The following LETM1 variants were observed in gnomAD, a reference collection of about 807,000 sequenced individuals.
LETM1 encodes mitochondrial proton/calcium exchanger protein.
Under a neutral mutation model 74.5 loss-of-function variants are expected in LETM1, and 50 were observed. The observed-to-expected ratio is 0.67, with a 90% CI of 0.53 to 0.85. The LOEUF (loss-of-function observed/expected upper bound fraction) is 0.85. Ranked by LOEUF, LETM1 falls within the 40% of genes least tolerant of loss-of-function variation. LETM1 has a pLI of 0.00. For missense variants in LETM1, 824 were observed against 967.8 expected (o/e 0.85, Z 1.97); for synonymous variants, 446 against 407.1 (o/e 1.10, Z -1.15).
chr4:1,841,524 C>T lies in LETM1; in HGVS notation c.417G>A (p.Pro139=), dbSNP rs552119847. 87 of 1,614,228 alleles carry T rather than the reference C, an allele frequency of 5.4e-5. 2 individuals carry two copies. The highest frequency in any genetic ancestry group is 5.3e-4 in the South Asian group (48 of 91,082). Residue 139 remains proline (P), a synonymous_variant, in exon 3 of 14, where the codon CCG becomes CCA. Transcript: ENST00000302787. ...DKNKKLEEGG[P]VYSPPAEVVV... ...CCACCTCTGCGGGGGGGCTGTACAC[C>T]GGGCCGCCTTCCTCCAGCTTCTTGT...
chr4:1,855,989 C>T lies in LETM1; in HGVS notation c.-39G>A. On this transcript the variant is annotated 5_prime_UTR_variant, in exon 1 of 14. Transcript: ENST00000302787. ...GCGGCCGCTCCGGCCTCCTGCGCTG[C>T]CTCCTTCTCCGCGGCGGCCGCGGCT... 1 of 1,156,572 alleles carries T rather than the reference C, an allele frequency of 8.6e-7. No homozygotes were observed. Among genetic ancestry groups the T allele is most frequent in the East Asian group, 3.5e-5 (1 of 28,432 alleles). 71.6% of individuals were successfully genotyped at this position (1,156,572 alleles called of 1,614,324 possible). A position where few individuals can be genotyped will look rare whatever the true frequency, so the allele number is the denominator to read the frequency against.
rs377389351 is a variant in LETM1 at position 1,827,286 on chromosome 4, T to C, written c.1081-1603A>G. On this transcript the variant is annotated intron_variant, in intron 6 of 13. Transcript: ENST00000302787. Reference sequence around the variant, plus strand: ...TGGATTGACAGTTCTTTTTTTTTTTTTTTTTTTTAATTTATTTTTTTATTG... The same window carrying C: ...TGGATTGACAGTTCTTTTTTTTTTTCTTTTTTTTAATTTATTTTTTTATTG... Among the ~76,000 whole-genome samples, 133 of 150,762 alleles carry C rather than the reference T, an allele frequency of 8.8e-4. No homozygotes were observed. In the East Asian group the frequency reaches 0.025, roughly 28 times the overall value.
At chr4:1,838,744 AC>A (rs1712576752) in intron 3 of LETM1, among the ~76,000 whole-genome samples, 1 of 152,150 alleles carries the variant, frequency 6.6e-6, no homozygotes, top group African/African-American at 2.4e-5. Context: ...AGAGCTAGAA[AC>A]CATGAGGTGT....
At chr4:1,840,653 G>GAGA (rs1712657673) in intron 3 of LETM1, among the ~76,000 whole-genome samples, 1 of 151,796 alleles carries the variant, frequency 6.6e-6, no homozygotes, top group Admixed American at 6.6e-5. Flanking sequence ...GGGCGACAGT[G>GAGA]AGACTCCATC....
At chr4:1,822,514 A>G (rs752158147) in intron 9 of LETM1, 9 of 448,270 alleles carry the variant, frequency 2.0e-5, no homozygotes, top group Non-Finnish European at 3.3e-5. Flanking sequence ...AGAACAGGCT[A>G]GAGCACCTTA....
chr4:1,830,105 C>T lies in LETM1; in HGVS notation c.1080+2639G>A, dbSNP rs559268755. On this transcript the variant is annotated intron_variant, in intron 6 of 13. Transcript: ENST00000302787. ...CAGCCCTGCTCTATCCTTTCTCCCC[C>T]GGAACATCAGATAACACAGATGGTT... Among the ~76,000 whole-genome samples, 20 of 152,306 alleles carry T rather than the reference C, an allele frequency of 1.3e-4. No individual in the cohort carries two copies. In the East Asian group the frequency reaches 2.3e-3, roughly 18 times the overall value.
Position 1,814,420 on chromosome 4 carries a change from G to A in LETM1, c.*4C>T, listed in dbSNP as rs1722550735. Reference sequence around the variant, plus strand: ...CAGGAGGACAGGTGCCCAGGCCAGTGGTTCTAGCTCTTCACCTCTGCGACC... The same window carrying A: ...CAGGAGGACAGGTGCCCAGGCCAGTAGTTCTAGCTCTTCACCTCTGCGACC... On this transcript the variant is annotated 3_prime_UTR_variant, in exon 14 of 14. Coordinates refer to ENST00000302787, the MANE Select transcript of LETM1 (RefSeq NM_012318.3). 2 of 1,614,226 alleles carry A rather than the reference G, an allele frequency of 1.2e-6. No homozygotes were observed. The highest frequency in any genetic ancestry group is 1.7e-6 in the Non-Finnish European group (2 of 1,180,024).
chr4:1,815,390 G>T (rs910943532), intron 13 of LETM1, among the ~76,000 whole-genome samples: 2 of 152,222 alleles, frequency 1.3e-5, no homozygotes, highest in African/African-American at 4.8e-5. Context: ...CGGCTCCCCA[G>T]TGCCACCAGC....
chr4:1,815,323 C>T (rs1711529384), intron 13 of LETM1, among the ~76,000 whole-genome samples: 1 of 152,200 alleles, frequency 6.6e-6, no homozygotes, highest in African/African-American at 2.4e-5. Context: ...CCCCAGGCTC[C>T]CTGTGCAGTC....
chr4:1,845,923 T>A (rs1404845303), intron 2 of LETM1, among the ~76,000 whole-genome samples: 1 of 152,054 alleles, frequency 6.6e-6, no homozygotes. Context: ...AGCGGTGTGA[T>A]CCTGGCTCAC....
chr4:1,832,720 G>C (rs56223366), intron 6 of LETM1, 24 bp downstream of exon 6: 55,486 of 1,607,256 alleles, frequency 0.035, 1,152 homozygotes, highest in Middle Eastern at 0.042. Flanking sequence ...CCAGAGCTGT[G>C]GCGCGGAGTA....
intron 3 of LETM1, among the ~76,000 whole-genome samples, chr4:1,838,770 G>A (rs1367285135): frequency 6.6e-6 from 1 of 152,182 alleles, no homozygotes; most frequent in African/African-American, 2.4e-5. Context: ...GGGAGGAAAG[G>A]ATGGAGCAGA....
At chr4:1,849,081 G>T (rs927465495) in intron 2 of LETM1, 68 bp downstream of exon 2, 2 of 1,063,494 alleles carry the variant, frequency 1.9e-6, no homozygotes, top group Non-Finnish European at 2.9e-6. Context: ...AGAGTCACTC[G>T]TGACTCTCCA....
chr4:1,830,827 A>T (rs1486447528), intron 6 of LETM1, among the ~76,000 whole-genome samples: 1 of 151,872 alleles, frequency 6.6e-6, no homozygotes, highest in Non-Finnish European at 1.5e-5. Context: ...TTTCTCATTC[A>T]CTGATACCTT....
At chr4:1,851,180 A>C (rs1713059110) in intron 1 of LETM1, among the ~76,000 whole-genome samples, 1 of 152,194 alleles carries the variant, frequency 6.6e-6, no homozygotes, top group Admixed American at 6.5e-5. Context: ...GCAGGGCCAG[A>C]GGCACCAGCC....
intron 6 of LETM1, among the ~76,000 whole-genome samples, chr4:1,832,337 G>A (rs968129222): frequency 6.6e-6 from 1 of 152,004 alleles, no homozygotes; most frequent in African/African-American, 2.4e-5. Flanking sequence ...CTAGAAGGAG[G>A]GCAGCGCCCT....
At chr4:1,844,190 C>T (rs1345673658) in intron 2 of LETM1, among the ~76,000 whole-genome samples, 1 of 152,214 alleles carries the variant, frequency 6.6e-6, no homozygotes, top group African/African-American at 2.4e-5. Context: ...CTGCAGGGGC[C>T]TGGTCCTCAC....
At chr4:1,828,733 G>A (rs1379299832) in intron 6 of LETM1, among the ~76,000 whole-genome samples, 4 of 131,862 alleles carry the variant, frequency 3.0e-5, no homozygotes, top group Middle Eastern at 6.8e-3. Context: ...GGGCAGAGGG[G>A]CTCCCCACTT....
chr4:1,843,018 G>T, intron 2 of LETM1: 1 of 382,848 alleles, frequency 2.6e-6, no homozygotes, highest in South Asian at 1.9e-5. Context: ...AAAAGGCCAT[G>T]TGTGTCGCAT....
Sources: gnomAD v4.1 joint callset for allele counts (sites outside exome capture counted in the v4.1 genomes callset) on GRCh38, gnomAD v4.1.1 for gene constraint, MANE v1.5 for transcripts, NCBI Gene and HGNC (gene_info 2026-07-23, HGNC 2026-07-21) for gene names.